ATXN2: variants seen among roughly 807,000 people sequenced by gnomAD.
ATXN2 encodes ataxin 2, also known as ataxin-2.
Under a neutral mutation model 138.6 loss-of-function variants are expected in ATXN2, and 37 were observed. The observed-to-expected ratio is 0.27, with a 90% CI of 0.21 to 0.35. The LOEUF (loss-of-function observed/expected upper bound fraction) is 0.35. Ranked by LOEUF, ATXN2 falls within the 10% of genes least tolerant of loss-of-function variation. ATXN2 has a pLI of 1.00. For missense variants in ATXN2, 1,216 were observed against 1,480.3 expected, an observed-to-expected ratio of 0.82 and a Z score of 2.93; for synonymous variants, 549 against 543.7, an observed-to-expected ratio of 1.01 and a Z score of -0.13.
chr12:111,460,392 T>C (rs1320913819), intron 21 of ATXN2, among the ~76,000 whole-genome samples: 13 of 152,158 alleles, frequency 8.5e-5, no homozygotes, highest in African/African-American at 1.4e-4. Context: ...TTCTACTGGA[T>C]AGTGATGTCT....
At chr12:111,554,314 A>AT (rs367732206) in intron 2 of ATXN2, 97 bp from the exon 3 acceptor site, 4 of 816,546 alleles carry the variant, frequency 4.9e-6, no homozygotes, top group African/African-American at 3.6e-5. Context: ...TAGACTGCGG[A>AT]TTTTTTTCGG....
chr12:111,511,747 A>G (rs1296336197), intron 11 of ATXN2: 1 of 152,166 alleles, frequency 6.6e-6, no homozygotes, highest in East Asian at 1.9e-4. Flanking sequence ...TACAGCCGTG[A>G]GCCACTGCGC....
upstream of ATXN2, chr12:111,599,393 C>T (rs1262192397): frequency 2.6e-6 from 3 of 1,165,150 alleles, no homozygotes; most frequent in Non-Finnish European, 3.2e-6. Context: ...GCCACCGCCG[C>T]CCCGCCCGCT....
At chr12:111,535,728 C>T (rs980342558) in intron 5 of ATXN2, among the ~76,000 whole-genome samples, 6 of 151,962 alleles carry the variant, frequency 3.9e-5, no homozygotes, top group Middle Eastern at 3.4e-3. Context: ...AGGCCGGGCG[C>T]GGTGGCTCAC....
chr12:111,470,411 GA>G lies in ATXN2; in HGVS notation c.2709+146del, dbSNP rs1566009577. ...CCTCTTACAATCATCAGTAACCTTCGAATATATATTGAAAAGGGTCCCCAAG... is the reference window on the plus strand; with the variant it reads ...CCTCTTACAATCATCAGTAACCTTCGATATATATTGAAAAGGGTCCCCAAG... On this transcript the variant is annotated intron_variant, in intron 19 of 24. Transcript: ENST00000673436. 376 of 1,143,834 alleles carry G rather than the reference GA, an allele frequency of 3.3e-4. 6 individuals carry two copies. The East Asian group carries it at 9.4e-3, about 29-fold the overall frequency. 70.9% of individuals were successfully genotyped at this position (1,143,834 alleles called of 1,614,324 possible). A position where few individuals can be genotyped will look rare whatever the true frequency, so the allele number is the denominator to read the frequency against.
chr12:111,538,484 G>GAAGGAGACATAAAAGTAGATTT (rs1555237953), intron 5 of ATXN2, among the ~76,000 whole-genome samples: 3 of 150,372 alleles, frequency 2.0e-5, no homozygotes, highest in Non-Finnish European at 3.0e-5. Flanking sequence ...CCGAATAGCT[G>GAAGGAGACATAAAAGTAGATTT]GGACTACAGG....
intron 11 of ATXN2, 163 bp downstream of exon 11, chr12:111,513,194 G>A (rs761254864): frequency 1.8e-4 from 128 of 727,106 alleles, no homozygotes; most frequent in Non-Finnish European, 2.4e-4. Flanking sequence ...ATGAATAAGT[G>A]GTAGAGCCCA....
intron 5 of ATXN2, 101 bp from the exon 6 acceptor site, chr12:111,525,417 GAA>G (rs1880429495): frequency 2.4e-6 from 3 of 1,231,654 alleles, no homozygotes; most frequent in Non-Finnish European, 3.2e-6. Flanking sequence ...AAACAATTAC[GAA>G]AAATGAATTT....
chr12:111,484,415 T>G (rs1443890506), intron 18 of ATXN2, among the ~76,000 whole-genome samples: 1 of 151,924 alleles, frequency 6.6e-6, no homozygotes, highest in Admixed American at 6.6e-5. Flanking sequence ...AGTCTGGTTT[T>G]TTTGTTTGTT....
chr12:111,482,413 C>G (rs1877309386), intron 18 of ATXN2, among the ~76,000 whole-genome samples: 2 of 152,024 alleles, frequency 1.3e-5, no homozygotes, highest in Admixed American at 6.6e-5. Flanking sequence ...CCAGGATGGT[C>G]TTGATCTCCT....
At position 111,582,317 on chromosome 12, in the gene ATXN2, C is replaced by T. The variant is rs1291765450; in HGVS notation, c.251+16467G>A. Among the ~76,000 whole-genome samples the T allele has an allele frequency of 7.6e-5, 11 of 143,808 alleles. No homozygotes were observed. In the Admixed American group the frequency reaches 8.0e-4, roughly 10 times the overall value. 94.3% of individuals were successfully genotyped at this position (143,808 alleles called of 152,430 possible). A position where few individuals can be genotyped will look rare whatever the true frequency, so the allele number is the denominator to read the frequency against. ...AAAATTAACCAGGCATGATGGCACACACATGTGGTCCCAAGCTACTCAGGA... is the reference window on the plus strand; with the variant it reads ...AAAATTAACCAGGCATGATGGCACATACATGTGGTCCCAAGCTACTCAGGA... On this transcript the variant is annotated intron_variant, in intron 1 of 24. Transcript: ENST00000673436.
intron 1 of ATXN2, among the ~76,000 whole-genome samples, chr12:111,576,132 T>TAACATAACATAACATAACA (rs147474684): frequency 0.021 from 2,886 of 138,582 alleles, 141 homozygotes; most frequent in African/African-American, 0.072. Flanking sequence ...TAACATAACA[T>TAACATAACATAACATAACA]AACATCACAC....
chr12:111,518,468 G>C (rs182401216), intron 8 of ATXN2, 41 bp from the exon 9 acceptor site: 1 of 1,541,488 alleles, frequency 6.5e-7, no homozygotes, highest in East Asian at 2.3e-5. Flanking sequence ...ATTCTAAAAG[G>C]TACCAAGCCA....
At chr12:111,546,445 A>G (rs1881803810) in intron 5 of ATXN2, among the ~76,000 whole-genome samples, 1 of 152,204 alleles carries the variant, frequency 6.6e-6, no homozygotes, top group Non-Finnish European at 1.5e-5. Flanking sequence ...ACGCATGGGC[A>G]TAGCTATGCT....
chr12:111,574,023 T>C (rs1883486986), intron 1 of ATXN2, among the ~76,000 whole-genome samples: 1 of 151,566 alleles, frequency 6.6e-6, no homozygotes, highest in African/African-American at 2.4e-5. Flanking sequence ...GGTTAAAAAG[T>C]ATGGAGACTT....
At chr12:111,514,197 T>C (rs1213872141) in intron 10 of ATXN2, among the ~76,000 whole-genome samples, 1 of 152,212 alleles carries the variant, frequency 6.6e-6, no homozygotes, top group Non-Finnish European at 1.5e-5. Context: ...GAAAATTCTA[T>C]TAAAGGGATG....
At chr12:111,465,503 G>A (rs1875927541) in intron 20 of ATXN2, among the ~76,000 whole-genome samples, 1 of 151,914 alleles carries the variant, frequency 6.6e-6, no homozygotes, top group African/African-American at 2.4e-5. Flanking sequence ...TGGGCGTGGT[G>A]GCTCACATCT....
intron 14 of ATXN2, among the ~76,000 whole-genome samples, chr12:111,498,350 G>C (rs1443119991): frequency 6.6e-6 from 1 of 152,084 alleles, no homozygotes; most frequent in Non-Finnish European, 1.5e-5. Context: ...AAACCTATTA[G>C]AACTGACAAA....
intron 5 of ATXN2, 54 bp from the exon 6 acceptor site, chr12:111,525,370 T>A (rs1351398715): frequency 1.4e-6 from 2 of 1,458,102 alleles, no homozygotes; most frequent in East Asian, 4.9e-5. Flanking sequence ...TCAGTTACAC[T>A]CACACACGTG....
Sources: gnomAD v4.1 joint callset for allele counts (sites outside exome capture counted in the v4.1 genomes callset) on GRCh38, gnomAD v4.1.1 for gene constraint, MANE v1.5 for transcripts, NCBI Gene and HGNC (gene_info 2026-07-23, HGNC 2026-07-21) for gene names.